Variants in TG observed in about 807,000 individuals in gnomAD.
The protein encoded by TG is thyroglobulin.
A neutral mutation model predicts 324.7 loss-of-function variants in TG; 270 were observed. The observed-to-expected ratio is 0.83, with a 90% confidence interval of 0.75 to 0.92. The LOEUF is 0.92. Among genes scored for constraint, TG ranks in the 40% least tolerant of loss-of-function variants. The pLI, the probability that TG is intolerant of heterozygous loss-of-function variation, is 0.00. For synonymous variants in TG, 1,401 were observed against 1,327.0 expected (o/e 1.06, Z -1.21); for missense variants, 3,591 against 3,456.4 (o/e 1.04, Z -0.98).
At chr8:133,039,933 T>G in intron 41 of TG, 2 of 1,520,858 alleles carry the variant, frequency 1.3e-6, no homozygotes, top group South Asian at 1.2e-5. Context: ...TGTGCTCACA[T>G]GTTCACAGAG....
At chr8:132,882,652 G>T in intron 7 of TG, 40 bp downstream of exon 7, 1 of 1,614,160 alleles carries the variant, frequency 6.2e-7, no homozygotes, top group Non-Finnish European at 8.5e-7. Flanking sequence ...GTTTCCATTA[G>T]GGGGACGCCT....
At chr8:132,971,694 G>A in intron 32 of TG, 100 bp from the exon 33 acceptor site, 1 of 823,772 alleles carries the variant, frequency 1.2e-6, no homozygotes, top group Non-Finnish European at 2.1e-6. Flanking sequence ...AAAAAAATAA[G>A]CTAGTTCCCC....
chr8:133,020,387 G>A (rs919250715), intron 39 of TG, among the ~76,000 whole-genome samples: 5 of 152,316 alleles, frequency 3.3e-5, no homozygotes, highest in Non-Finnish European at 5.9e-5. Context: ...TGTGGCTGTC[G>A]TTGAGGCGGG....
chr8:133,096,090 CAGTAG>C, intron 42 of TG, 111 bp from the exon 43 acceptor site: 1 of 1,324,950 alleles, frequency 7.5e-7, no homozygotes, highest in Non-Finnish European at 1.1e-6. Context: ...CACTTTTTCT[CAGTAG>C]AGTCATAGAT....
chr8:132,967,729 T>G, intron 30 of TG, 65 bp from the exon 31 acceptor site: 3 of 1,570,302 alleles, frequency 1.9e-6, no homozygotes, highest in Non-Finnish European at 2.6e-6. Flanking sequence ...CAGAGAATCC[T>G]GTAGAGATTA....
chr8:132,908,156 C>T (rs1208972737), intron 17 of TG, 30 bp from the exon 18 acceptor site: 2 of 1,612,798 alleles, frequency 1.2e-6, no homozygotes, highest in East Asian at 2.2e-5. Context: ...AGGCCCATTG[C>T]CTCTGCTGAT....
intron 27 of TG, among the ~76,000 whole-genome samples, chr8:132,956,992 A>G (rs1587566088): frequency 6.6e-6 from 1 of 152,282 alleles, no homozygotes; most frequent in Admixed American, 6.5e-5. Context: ...TGATTTAGAA[A>G]GCAGGAGGAA....
At chr8:133,046,775 G>A (rs1181502570) in intron 41 of TG, among the ~76,000 whole-genome samples, 1 of 152,014 alleles carries the variant, frequency 6.6e-6, no homozygotes, top group East Asian at 1.9e-4. Flanking sequence ...AGCATATTTG[G>A]GTTTTTTAGA....
intron 34 of TG, among the ~76,000 whole-genome samples, chr8:132,983,093 G>A (rs1305091347): frequency 6.6e-6 from 1 of 152,138 alleles, no homozygotes; most frequent in Non-Finnish European, 1.5e-5. Flanking sequence ...ATAACATAGA[G>A]CAAAGCCCCC....
intron 41 of TG, chr8:133,047,409 A>G: frequency 5.3e-6 from 1 of 187,646 alleles, no homozygotes; most frequent in East Asian, 1.7e-4. Context: ...ACACCCTTAC[A>G]AGGGAGAGGT....
At chr8:133,115,119 A>G (rs1850568505) in intron 44 of TG, among the ~76,000 whole-genome samples, 1 of 151,288 alleles carries the variant, frequency 6.6e-6, no homozygotes, top group African/African-American at 2.5e-5. Context: ...AGGGCTAGAG[A>G]TCAAAAAACC....
rs80160085 is a variant in TG, at chr8:133,019,637, C to T, written c.6818C>T (p.Thr2273Met). The T allele has an allele frequency of 2.2e-5, 36 of 1,613,846 alleles. No individual in the cohort carries two copies. Among genetic ancestry groups the T allele is most frequent in the Middle Eastern group, 1.7e-4 (1 of 6,060 alleles). ...TGGCAGCCAGGCACCAGAACATCCA[C>T]GTCTCCTGGAGTCAGTGAAGATTGT... Reference protein sequence around the residue: ...SCWQPGTRTSTSPGVSEDCLY... With the variant: ...SCWQPGTRTSMSPGVSEDCLY... Residue 2273 changes from threonine to methionine, a missense_variant, in exon 39 of 48, where the codon ACG becomes ATG. Thr to Met is a moderately conservative substitution (Grantham distance 81). Coordinates refer to ENST00000220616, the MANE Select transcript of TG (RefSeq NM_003235.5).
At chr8:133,104,499 G>A (rs1849620240) in intron 43 of TG, among the ~76,000 whole-genome samples, 1 of 152,122 alleles carries the variant, frequency 6.6e-6, no homozygotes, top group South Asian at 2.1e-4. Context: ...TCAGATTTGG[G>A]ATATATCTCG....
chr8:133,064,930 G>A (rs978346133), intron 41 of TG, among the ~76,000 whole-genome samples: 4 of 152,164 alleles, frequency 2.6e-5, no homozygotes, highest in Non-Finnish European at 5.9e-5. Flanking sequence ...AATTGAGGAA[G>A]TCCAACCAAG....
chr8:133,034,688 C>A (rs1836918242), intron 41 of TG, among the ~76,000 whole-genome samples: 1 of 151,986 alleles, frequency 6.6e-6, no homozygotes, highest in Non-Finnish European at 1.5e-5. Context: ...TAACATCTGC[C>A]AAGGGGGCAG....
chr8:132,937,263 C>T (rs996106666), intron 25 of TG, among the ~76,000 whole-genome samples: 2 of 152,166 alleles, frequency 1.3e-5, no homozygotes, highest in African/African-American at 4.8e-5. Context: ...TCGGGGCTTC[C>T]AGCAGCTTCA....
Position 132,888,421 on chromosome 8 carries a change from T to C in TG, c.2614T>C (p.Leu872=). 1 of 1,613,482 alleles carries C rather than the reference T, an allele frequency of 6.2e-7. No individual in the cohort carries two copies. Among genetic ancestry groups the C allele is most frequent in the South Asian group, 1.1e-5 (1 of 91,048 alleles). Residue 872 remains leucine, a synonymous_variant, in exon 10 of 48, where the codon TTA becomes CTA. Transcript: ENST00000220616. ...LLEPYLFWQI[L]NGQLSQYPGS... ...GGAGCCCTACCTCTTCTGGCAGATC[T>C]TAAATGGCCAACTCAGCCAATACCC...
intron 35 of TG, among the ~76,000 whole-genome samples, chr8:132,989,397 C>T (rs574675240): frequency 3.9e-4 from 59 of 152,334 alleles, no homozygotes; most frequent in East Asian, 2.1e-3. Context: ...AAAATGCTCC[C>T]GCCATTGACT....
At chr8:133,017,597 T>C in intron 37 of TG, 181 bp from the exon 38 acceptor site, 1 of 662,054 alleles carries the variant, frequency 1.5e-6, no homozygotes, top group Non-Finnish European at 2.6e-6. Context: ...TTTTTTTTGT[T>C]TGTTTACATT....
Sources: gnomAD v4.1 joint callset for allele counts (sites outside exome capture counted in the v4.1 genomes callset) on GRCh38, gnomAD v4.1.1 for gene constraint, MANE v1.5 for transcripts, NCBI Gene and HGNC (gene_info 2026-07-23, HGNC 2026-07-21) for gene names.